The following DST variants were observed in gnomAD, a reference collection of about 807,000 sequenced individuals.
DST encodes the protein bullous pemphigoid antigen.
In DST, 253 loss-of-function variants were observed where a neutral mutation model predicts 875.2. That is an observed-to-expected ratio of 0.29 (90% CI 0.26 to 0.32). The LOEUF (loss-of-function observed/expected upper bound fraction) is 0.32. DST is among the 10% of genes least tolerant of loss of function. DST has a pLI of 1.00. For synonymous variants in DST, 3,124 were observed against 3,197.1 expected (o/e 0.98, Z 0.77); for missense variants, 8,287 against 9,111.6 (o/e 0.91, Z 3.68).
rs45582036 is a variant in DST at position 56,604,521 on chromosome 6, G to T, written c.10107C>A (p.Asn3369Lys). 0.098 allele frequency: 158,711 copies of T among 1,612,148 alleles called. 8,651 individuals carry two copies. The highest frequency in any genetic ancestry group is 0.18 in the South Asian group (16,068 of 90,964). Residue 3369 changes from asparagine (N) to lysine (K), a missense_variant, in exon 40 of 104, where the codon AAC becomes AAA. Asn to Lys is a moderately conservative substitution (Grantham distance 94, BLOSUM62 0). Coordinates refer to ENST00000680361, the MANE Select transcript of DST (RefSeq NM_001374736.1). ...CTGAAGGTTCTTCAACCTCTTGAGG[G>T]TTCATATGACCTTCTTTCAACCTGC... is the stretch of plus-strand genomic sequence containing the variant. ...LKSRLKEGHM[N>K]PQEVEEPSAC...
chr6:56,534,484 C>T (rs991919683), intron 63 of DST, among the ~76,000 whole-genome samples: 9 of 152,242 alleles, frequency 5.9e-5, no homozygotes, highest in Admixed American at 3.9e-4. Context: ...CCCAAATTGG[C>T]CCCACTTTAG....
At position 56,943,452 on chromosome 6, in the gene DST, A is replaced by G. The variant is rs189174952; in HGVS notation, c.216+10333T>C. Among the ~76,000 whole-genome samples, 1,364 of 142,052 alleles carry G rather than the reference A, an allele frequency of 9.6e-3. 26 individuals are homozygous for G. Among genetic ancestry groups the G allele is most frequent in the African/African-American group, 0.033 (1,275 of 38,326 alleles). 93.2% of individuals were successfully genotyped at this position (142,052 alleles called of 152,430 possible). A position where few individuals can be genotyped will look rare whatever the true frequency, so the allele number is the denominator to read the frequency against. On this transcript the variant is annotated intron_variant, in intron 2 of 103. Transcript: ENST00000680361. ...TTTCTTTTTTTTTTTTTTGAGATAG[A>G]TTTTCACTCTTGTTGCCCAGGCTGG...
intron 46 of DST, 32 bp from the exon 47 acceptor site, chr6:56,598,038 GAACGTGGGCC>G: frequency 1.9e-6 from 3 of 1,542,580 alleles, no homozygotes; most frequent in Non-Finnish European, 2.6e-6. Flanking sequence ...GAGGAATTCA[GAACGTGGGCC>G]AAGGCATAGT....
At chr6:56,626,162 C>T (rs1456802649) in intron 34 of DST, among the ~76,000 whole-genome samples, 1 of 151,936 alleles carries the variant, frequency 6.6e-6, no homozygotes, top group Non-Finnish European at 1.5e-5. Context: ...AAGTTAATGT[C>T]AATTTATTAT....
intron 10 of DST, among the ~76,000 whole-genome samples, chr6:56,670,238 T>C (rs923506029): frequency 6.6e-6 from 1 of 152,022 alleles, no homozygotes; most frequent in African/African-American, 2.4e-5. Flanking sequence ...TTTTTTTTTT[T>C]ATTTTCTTAA....
chr6:56,725,807 A>T (rs2099453184), intron 5 of DST, among the ~76,000 whole-genome samples: 1 of 152,182 alleles, frequency 6.6e-6, no homozygotes, highest in Non-Finnish European at 1.5e-5. Context: ...AGAATGACTT[A>T]TGAAAGCTCC....
chr6:56,812,269 T>A (rs941669042), intron 4 of DST, among the ~76,000 whole-genome samples: 1 of 152,164 alleles, frequency 6.6e-6, no homozygotes, highest in South Asian at 2.1e-4. Context: ...CTTTTCTTGT[T>A]GTTTGTTTGA....
chr6:56,953,529 T>C (rs879860308), intron 2 of DST, among the ~76,000 whole-genome samples: 1 of 152,220 alleles, frequency 6.6e-6, no homozygotes, highest in South Asian at 2.1e-4. Context: ...GTGGCTAAGT[T>C]TTTTAAGGTC....
At position 56,624,527 on chromosome 6, in the gene DST, T is replaced by C. The variant is rs2098716837; in HGVS notation, c.4929+3A>G. ...TTACAGGGTGCTCACTGTTAATGAT[T>C]ACCTCCTCCTCTTCCAGCCTCTTCA... On this transcript the variant is annotated splice_donor_region_variant and intron_variant, in intron 36 of 103. Transcript: ENST00000680361. 1 of 1,598,890 alleles carries C rather than the reference T, an allele frequency of 6.3e-7. No individual in the cohort carries two copies. The highest frequency in any genetic ancestry group is 8.6e-7 in the Non-Finnish European group (1 of 1,166,822).
At chr6:56,514,019 T>A (rs1182973389) in intron 72 of DST, among the ~76,000 whole-genome samples, 6 of 152,228 alleles carry the variant, frequency 3.9e-5, no homozygotes, top group African/African-American at 1.4e-4. Context: ...AAGCTTTTAG[T>A]TTAAACAATT....
intron 9 of DST, among the ~76,000 whole-genome samples, chr6:56,698,835 G>A (rs1369621793): frequency 2.0e-5 from 3 of 152,088 alleles, no homozygotes; most frequent in African/African-American, 7.2e-5. Flanking sequence ...AGATTCAGGG[G>A]GTACAAGTGC....
chr6:56,847,057 C>G (rs1051088960), intron 4 of DST, among the ~76,000 whole-genome samples: 30 of 151,284 alleles, frequency 2.0e-4, no homozygotes, highest in Admixed American at 1.9e-3. Flanking sequence ...TGGCTCACTC[C>G]TATAATCCCA....
Position 56,472,199 on chromosome 6 carries a change from A to C in DST, c.22018T>G (p.Leu7340Val). The change falls in exon 94 of 104, where the codon TTG becomes GTG. Residue 7340 changes from leucine (L) to valine (V), a missense_variant. This residue lies in a region of DST where 1,292 missense variants were observed against 1,552.7 expected (regional missense o/e 0.83). Coordinates refer to ENST00000680361, the MANE Select transcript of DST (RefSeq NM_001374736.1). ...AGRKRFPASS[L>V]YPSGSQTQIE... ...TGTGTCTGTGACCCAGAGGGATACA[A>C]GCTTGATGCTGGAAAGCGTTTTCCT... The C allele has an allele frequency of 1.2e-6, 2 of 1,613,882 alleles. No individual in the cohort carries two copies. The highest frequency in any genetic ancestry group is 1.7e-6 in the Non-Finnish European group (2 of 1,179,828).
At chr6:56,494,660 A>G (rs151088033) in intron 82 of DST, among the ~76,000 whole-genome samples, 3,839 of 152,246 alleles carry the variant, frequency 0.025, 74 homozygotes, top group Non-Finnish European at 0.043. Context: ...AATAACCAGC[A>G]CAGTAATATA....
intron 92 of DST, among the ~76,000 whole-genome samples, chr6:56,475,476 A>G (rs2095141506): frequency 6.6e-6 from 1 of 151,958 alleles, no homozygotes; most frequent in Non-Finnish European, 1.5e-5. Context: ...CTGAGCTAAC[A>G]CTTAATATTT....
intron 87 of DST, among the ~76,000 whole-genome samples, chr6:56,485,910 G>A (rs1221081577): frequency 6.6e-6 from 1 of 152,096 alleles, no homozygotes; most frequent in Non-Finnish European, 1.5e-5. Flanking sequence ...TCCTCGTGCT[G>A]TCTCTTTATA....
intron 2 of DST, among the ~76,000 whole-genome samples, chr6:56,923,057 G>C (rs1418626723): frequency 6.6e-6 from 1 of 152,032 alleles, no homozygotes; most frequent in Non-Finnish European, 1.5e-5. Context: ...ATAAAATCTT[G>C]CCAGAACTAT....
At chr6:56,621,981 TACAGAA>T (rs1365301803) in intron 36 of DST, among the ~76,000 whole-genome samples, 2 of 152,228 alleles carry the variant, frequency 1.3e-5, no homozygotes, top group African/African-American at 4.8e-5. Flanking sequence ...TAATAATTCA[TACAGAA>T]ACAAATCTCA....
At chr6:56,698,170 T>C (rs1470673842) in intron 9 of DST, among the ~76,000 whole-genome samples, 1 of 152,128 alleles carries the variant, frequency 6.6e-6, no homozygotes, top group Non-Finnish European at 1.5e-5. Context: ...GCTGAAACTA[T>C]TCAGCTGCCT....
Sources: gnomAD v4.1 joint callset for allele counts (sites outside exome capture counted in the v4.1 genomes callset) on GRCh38, gnomAD v4.1.1 for gene constraint, gnomAD v4.1.1 regional missense constraint, MANE v1.5 for transcripts, NCBI Gene and HGNC (gene_info 2026-07-23, HGNC 2026-07-21) for gene names.